Variants in ASTN1 observed in about 807,000 individuals in gnomAD.
ASTN1 encodes the protein astrotactin 1.
A neutral mutation model predicts 140.7 loss-of-function variants in ASTN1; 41 were observed. The ratio of observed to expected loss-of-function variants is 0.29; its 90% CI spans 0.23 to 0.38. ASTN1 has a LOEUF of 0.38. Ranked by LOEUF, ASTN1 falls within the 10% of genes least tolerant of loss-of-function variation. ASTN1 has a pLI of 1.00. For missense variants in ASTN1, 1,479 were observed against 1,678.8 expected (o/e 0.88, Z 2.08); for synonymous variants, 640 against 652.2 (o/e 0.98, Z 0.29).
intron 1 of ASTN1, among the ~76,000 whole-genome samples, chr1:177,086,956 A>T (rs1008233350): frequency 6.6e-6 from 1 of 152,208 alleles, no homozygotes; most frequent in Non-Finnish European, 1.5e-5. Flanking sequence ...AGTTATTTGC[A>T]TGGATACAGA....
At chr1:176,883,384 C>T (rs893658270) in intron 19 of ASTN1, among the ~76,000 whole-genome samples, 4 of 152,098 alleles carry the variant, frequency 2.6e-5, no homozygotes, top group Non-Finnish European at 5.9e-5. Context: ...AGGCACATGC[C>T]GGGGTTTCAC....
chr1:176,942,820 G>GTGTATATATATATATATA (rs1553231482), intron 14 of ASTN1, among the ~76,000 whole-genome samples: 2 of 25,320 alleles, frequency 7.9e-5, no homozygotes, highest in Non-Finnish European at 1.6e-4. Flanking sequence ...TTGTGTGTGT[G>GTGTATATATATATATATA]TATATATATA....
intron 11 of ASTN1, among the ~76,000 whole-genome samples, chr1:176,951,362 T>C (rs1277735726): frequency 2.0e-5 from 3 of 152,218 alleles, no homozygotes; most frequent in African/African-American, 4.8e-5. Flanking sequence ...TGCCCAGGCA[T>C]GGATGCAGGA....
chr1:177,005,695 C>T (rs981756359), intron 8 of ASTN1, among the ~76,000 whole-genome samples: 33 of 151,598 alleles, frequency 2.2e-4, no homozygotes, highest in Non-Finnish European at 4.1e-4. Context: ...AGTAGTGTTC[C>T]ATGGTGTGTA....
chr1:177,066,178 T>C (rs1204349815), intron 1 of ASTN1, among the ~76,000 whole-genome samples: 1 of 152,208 alleles, frequency 6.6e-6, no homozygotes, highest in Non-Finnish European at 1.5e-5. Flanking sequence ...CCTTTCCCTC[T>C]GCACATAGGG....
At chr1:177,090,612 G>T (rs1679703128) in intron 1 of ASTN1, among the ~76,000 whole-genome samples, 1 of 152,064 alleles carries the variant, frequency 6.6e-6, no homozygotes, top group Non-Finnish European at 1.5e-5. Context: ...CCACCTAAAT[G>T]GTCATTAACC....
At chr1:176,951,954 C>T (rs1672207302) in intron 11 of ASTN1, among the ~76,000 whole-genome samples, 1 of 152,146 alleles carries the variant, frequency 6.6e-6, no homozygotes, top group South Asian at 2.1e-4. Flanking sequence ...AAATTAGACT[C>T]AGAAAGATGA....
intron 8 of ASTN1, among the ~76,000 whole-genome samples, chr1:176,995,039 C>T (rs533803099): frequency 9.2e-5 from 14 of 152,272 alleles, no homozygotes; most frequent in African/African-American, 3.1e-4. Context: ...TCTGATTTCT[C>T]TTTTGTGGAT....
intron 16 of ASTN1, among the ~76,000 whole-genome samples, chr1:176,917,597 T>C (rs1459401389): frequency 6.6e-6 from 1 of 152,076 alleles, no homozygotes; most frequent in Non-Finnish European, 1.5e-5. Context: ...GAGGGAAGGA[T>C]GATGAATTAT....
intron 16 of ASTN1, among the ~76,000 whole-genome samples, chr1:176,915,648 T>C (rs2103066131): frequency 6.6e-6 from 1 of 152,190 alleles, no homozygotes; most frequent in Non-Finnish European, 1.5e-5. Flanking sequence ...AGATTACTCC[T>C]CTCCCTTTGT....
At chr1:176,887,435 C>T (rs1166765063) in intron 18 of ASTN1, among the ~76,000 whole-genome samples, 1 of 152,180 alleles carries the variant, frequency 6.6e-6, no homozygotes, top group East Asian at 1.9e-4. Context: ...TTCTCCTCAC[C>T]ACTACTTCAA....
chr1:177,061,089 T>A lies in ASTN1; in HGVS notation c.460A>T (p.Ile154Phe). The part of the protein sequence containing the change: ...SAEEELRILH[I>F]SVMGGMIALL... ...TGTTCTGCTCTTACCATGACTGAGA[T>A]GTGGAGGATCCTCAGCTCCTCTTCT... The change falls in exon 2 of 23, where the codon ATC becomes TTC. Residue 154 changes from isoleucine (I) to phenylalanine (F), a missense_variant. Coordinates refer to ENST00000361833, the MANE Select transcript of ASTN1 (RefSeq NM_004319.3). 4.4e-6 allele frequency: 7 copies of A among 1,602,510 alleles called. No homozygotes were observed. The highest frequency in any genetic ancestry group is 6.0e-6 in the Non-Finnish European group (7 of 1,174,646).
chr1:176,859,070 G>T (rs1286678591), downstream of ASTN1, among the ~76,000 whole-genome samples: 1 of 152,166 alleles, frequency 6.6e-6, no homozygotes, highest in Non-Finnish European at 1.5e-5. Context: ...AATAAGTATG[G>T]GGTATGCACA....
chr1:177,027,215 C>A (rs1676162068), intron 5 of ASTN1, among the ~76,000 whole-genome samples: 6 of 152,098 alleles, frequency 3.9e-5, no homozygotes. Context: ...GTAAACACTT[C>A]CCTGAAACCT....
chr1:176,936,430 A>C, intron 14 of ASTN1, 60 bp from the exon 15 acceptor site: 2 of 1,365,734 alleles, frequency 1.5e-6, no homozygotes, highest in Non-Finnish European at 2.1e-6. Flanking sequence ...CCAAATCAAA[A>C]AGCATGACCC....
At chr1:177,140,492 C>A (rs1427951585) in intron 1 of ASTN1, among the ~76,000 whole-genome samples, 1 of 152,160 alleles carries the variant, frequency 6.6e-6, no homozygotes, top group Non-Finnish European at 1.5e-5. Flanking sequence ...TTCCTTTATC[C>A]CGCATGTATC....
chr1:177,130,572 C>T (rs1268971721), intron 1 of ASTN1, among the ~76,000 whole-genome samples: 7 of 152,064 alleles, frequency 4.6e-5, no homozygotes, highest in African/African-American at 7.2e-5. Context: ...CTGGATGGTG[C>T]GCTGTCATTT....
intron 16 of ASTN1, among the ~76,000 whole-genome samples, chr1:176,915,840 A>T (rs1223044758): frequency 6.6e-6 from 1 of 152,206 alleles, no homozygotes; most frequent in Non-Finnish European, 1.5e-5. Flanking sequence ...AGTCACTACC[A>T]TCATAGACCG....
At chr1:177,007,131 G>A (rs570004898) in intron 8 of ASTN1, among the ~76,000 whole-genome samples, 4 of 152,100 alleles carry the variant, frequency 2.6e-5, no homozygotes, top group Admixed American at 6.5e-5. Flanking sequence ...GGTGGTTCAC[G>A]CTTGTAATCT....
Sources: allele counts gnomAD v4.1 joint callset (sites outside exome capture counted in the v4.1 genomes callset), GRCh38; gene constraint gnomAD v4.1.1; transcripts MANE v1.5; gene names NCBI Gene and HGNC (gene_info 2026-07-23, HGNC 2026-07-21).